The following CARMIL2 variants were observed in gnomAD, a reference collection of about 807,000 sequenced individuals.
CARMIL2 encodes capping protein regulator and myosin 1 linker 2, also known as capping protein, Arp2/3 and myosin-I linker protein 2.
In CARMIL2, 96 loss-of-function variants were observed where a neutral mutation model predicts 173.3. The ratio of observed to expected loss-of-function variants is 0.55; its 90% CI spans 0.47 to 0.66. CARMIL2 has a LOEUF of 0.66. Ranked by LOEUF, CARMIL2 falls within the 30% of genes least tolerant of loss-of-function variation. The pLI is 0.00. For synonymous variants in CARMIL2, 830 were observed against 817.1 expected, an observed-to-expected ratio of 1.02 and a Z score of -0.27; for missense variants, 1,771 against 1,906.7, an observed-to-expected ratio of 0.93 and a Z score of 1.33.
chr16:67,648,665 C>G lies in CARMIL2; in HGVS notation c.1440-20C>G, dbSNP rs756055751. On this transcript the variant is annotated intron_variant, in intron 15 of 37. Coordinates refer to ENST00000334583, the MANE Select transcript of CARMIL2 (RefSeq NM_001013838.3). The surrounding 1 kb of genome is among the most constrained non-coding windows in gnomAD (Gnocchi z 6.1). ...CCCCCTGTCCCAGCTCCCGCCACCCCGTGTAACGTCCTCTCCCAGAGCCCT... is the reference window on the plus strand; with the variant it reads ...CCCCCTGTCCCAGCTCCCGCCACCCGGTGTAACGTCCTCTCCCAGAGCCCT... 1.9e-6 allele frequency: 3 copies of G among 1,595,890 alleles called. No individual in the cohort carries two copies. The East Asian group carries it at 6.9e-5, about 36-fold the overall frequency.
intron 33 of CARMIL2, 61 bp from the exon 34 acceptor site, chr16:67,656,167 C>T (rs2052849903): frequency 1.2e-6 from 2 of 1,609,792 alleles, no homozygotes; most frequent in Non-Finnish European, 1.7e-6. Context: ...GGGGAGAGGC[C>T]AGGTTTTTCT....
chr16:67,656,888 G>A lies in CARMIL2; in HGVS notation c.4117+7G>A, dbSNP rs2052872348. On this transcript the variant is annotated splice_region_variant and intron_variant, in intron 36 of 37. Coordinates refer to ENST00000334583, the MANE Select transcript of CARMIL2 (RefSeq NM_001013838.3). ...CAGCTCCAGGCCCCTGCTGGTGAGG[G>A]GAGACACCTCCACGTGTGCTTGAAT... 8.4e-6 allele frequency: 13 copies of A among 1,541,124 alleles called. No homozygotes were observed. The highest frequency in any genetic ancestry group is 1.1e-5 in the Non-Finnish European group (13 of 1,140,124).
chr16:67,648,311 G>C lies in CARMIL2; in HGVS notation c.1331G>C (p.Arg444Pro). The C allele has an allele frequency of 6.3e-7, 1 of 1,587,186 alleles. No homozygotes were observed. Among genetic ancestry groups the C allele is most frequent in the Non-Finnish European group, 8.5e-7 (1 of 1,174,484 alleles). Residue 444 changes from arginine to proline, a missense_variant, in exon 14 of 38, where the codon CGC becomes CCC. Transcript: ENST00000334583. This position sits in a 1 kb window ranked among gnomAD's most constrained non-coding sequence, Gnocchi z 6.1. ...HLDASRNVFS[R>P]TKSRAAPAAL... ...GACGCTTCGAGGAACGTCTTCTCCC[G>C]CACGTAAGGGGGACCTGTCGGGGCC...
chr16:67,646,160 G>A lies in CARMIL2; in HGVS notation c.250-26G>A, dbSNP rs369505065. On this transcript the variant is annotated intron_variant, in intron 4 of 37. Coordinates refer to ENST00000334583, the MANE Select transcript of CARMIL2 (RefSeq NM_001013838.3). The surrounding 1 kb of genome is among the most constrained non-coding windows in gnomAD (Gnocchi z 4.6). ...ATCACCTGCGCCCATGTGTGGAGCC[G>A]AGGCCTAGTAGTGCCCCTTCCCTAG... 54 of 1,613,612 alleles carry A rather than the reference G, an allele frequency of 3.3e-5. 1 individual carries two copies. The highest frequency in any genetic ancestry group is 3.3e-4 in the Middle Eastern group (2 of 6,084).
rs2052840057 is a variant in CARMIL2, at chr16:67,655,954, A to G, written c.3706-77A>G. The G allele has an allele frequency of 7.9e-6, 12 of 1,524,010 alleles. 1 individual carries two copies. Among genetic ancestry groups the G allele is most frequent in the South Asian group, 7.4e-5 (6 of 81,454 alleles). The allele number at this position is 1,524,010 out of a possible 1,614,324, so 94.4% of individuals were successfully genotyped here. A position where few individuals can be genotyped will look rare whatever the true frequency, so the allele number is the denominator to read the frequency against. On this transcript the variant is annotated intron_variant, in intron 32 of 37. Transcript: ENST00000334583. ...ATGGTGGGCATTCAGTGGCAGGATT[A>G]TAAGAACAAGAACGAACAAAAGGCT... is the stretch of plus-strand genomic sequence containing the variant.
intron 12 of CARMIL2, 37 bp downstream of exon 12, chr16:67,647,803 T>TGGGGGTGGGGGGGGG: frequency 3.9e-6 from 1 of 258,440 alleles, no homozygotes; most frequent in Admixed American, 6.7e-5. Context: ...GGGAGGGGGG[T>TGGGGGTGGGGGGGGG]GGGGGTCTGT....
rs1238344242 is a variant in CARMIL2, at chr16:67,648,179, G to A, written c.1199G>A (p.Arg400Lys). 7 of 1,609,344 alleles carry A rather than the reference G, an allele frequency of 4.3e-6. No individual in the cohort carries two copies. Among genetic ancestry groups the A allele is most frequent in the Non-Finnish European group, 5.1e-6 (6 of 1,178,220 alleles). ...TGGATGACCGGCAGGGCGGACTGGA[G>A]GGCGGGACGGGGAGGGCTCGGTCCC... is the stretch of plus-strand genomic sequence containing the variant. ...GGWMTGRADW[R>K]AGRGGLGPPA... Residue 400 changes from arginine (R) to lysine (K), a missense_variant, in exon 14 of 38, where the codon AGG becomes AAG. Physicochemically the swap from Arg to Lys is conservative, Grantham distance 26. Coordinates refer to ENST00000334583, the MANE Select transcript of CARMIL2 (RefSeq NM_001013838.3). The surrounding 1 kb of genome is among the most constrained non-coding windows in gnomAD (Gnocchi z 6.1).
Position 67,647,563 on chromosome 16 carries a change from C to G in CARMIL2, c.832C>G (p.Arg278Gly), listed in dbSNP as rs747119629. The part of the protein sequence containing the change: ...ALAGHSSSGL[R>G]ELSLAGNLLD... ...GGCGGGACACTCAAGCTCTGGGCTG[C>G]GGGAGCTCAGCCTCGCGGGGAACCT... The change falls in exon 11 of 38, where the codon CGG becomes GGG. Residue 278 changes from arginine (R) to glycine (G), a missense_variant. By Grantham distance (125) the Arg-to-Gly change is moderately radical. Coordinates refer to ENST00000334583, the MANE Select transcript of CARMIL2 (RefSeq NM_001013838.3). 6.2e-7 allele frequency: 1 copy of G among 1,610,910 alleles called. No homozygotes were observed. The highest frequency in any genetic ancestry group is 1.3e-5 in the African/African-American group (1 of 74,824).
In CARMIL2 at chr16:67,651,791, G is replaced by A. The variant is rs80346348; in HGVS notation, c.2534G>A (p.Gly845Asp). 1,243 of 1,609,646 alleles carry A rather than the reference G, an allele frequency of 7.7e-4. 17 individuals are homozygous for A. In the East Asian group the frequency reaches 0.026, roughly 33 times the overall value. The change falls in exon 25 of 38, where the codon GGC (glycine) becomes GAC (aspartate). Residue 845 changes from glycine to aspartate, a missense_variant. Transcript: ENST00000334583. This position sits in a 1 kb window ranked among gnomAD's most constrained non-coding sequence, Gnocchi z 4.2. ...GAGGGGGTCCTGGCAGGCTCGAGGG[G>A]CCTCCCGGAGCTGCTCCCAGAGCAG... The part of the protein sequence containing the change: ...QLEGVLAGSR[G>D]LPELLPEQLL...
In CARMIL2 at chr16:67,648,816, G is replaced by C. The variant is rs1032545520; in HGVS notation, c.1509+62G>C. On this transcript the variant is annotated intron_variant, in intron 16 of 37. Coordinates refer to ENST00000334583, the MANE Select transcript of CARMIL2 (RefSeq NM_001013838.3). The surrounding 1 kb of genome is among the most constrained non-coding windows in gnomAD (Gnocchi z 6.1). Reference sequence around the variant, plus strand: ...AGAGGCGCTGGGAGGCGGAAGGGCAGGGCCGTGGGCCGCCTGCCCCTCCCC... The same window carrying C: ...AGAGGCGCTGGGAGGCGGAAGGGCACGGCCGTGGGCCGCCTGCCCCTCCCC... The C allele has an allele frequency of 8.9e-6, 14 of 1,564,662 alleles. No individual in the cohort carries two copies. Among genetic ancestry groups the C allele is most frequent in the Non-Finnish European group, 1.2e-5 (14 of 1,154,738 alleles).
chr16:67,655,043 G>A (rs771880789), intron 32 of CARMIL2, 143 bp downstream of exon 32: 184 of 1,200,624 alleles, frequency 1.5e-4, no homozygotes, highest in Middle Eastern at 5.8e-4. Context: ...TTACAGATTC[G>A]ACCTTTCTTC....
rs751403777 is a variant in CARMIL2, at chr16:67,649,070, C to T, written c.1592-6C>T. The T allele has an allele frequency of 8.7e-6, 14 of 1,611,562 alleles. No homozygotes were observed. In the African/African-American group the frequency reaches 9.3e-5, roughly 11 times the overall value. ...TCGCCTCGTGCGTGACCCGAGTCAC[C>T]CCCAGGCTTCGGCTCAGACATGGTG... On this transcript the variant is annotated splice_region_variant and splice_polypyrimidine_tract_variant and intron_variant, in intron 17 of 37. Coordinates refer to ENST00000334583, the MANE Select transcript of CARMIL2 (RefSeq NM_001013838.3). This position sits in a 1 kb window ranked among gnomAD's most constrained non-coding sequence, Gnocchi z 6.7.
At position 67,653,638 on chromosome 16, in the gene CARMIL2, G is replaced by C. The variant is rs989714602; in HGVS notation, c.3120+384G>C. 2.0e-5 allele frequency among the ~76,000 whole-genome samples: 3 copies of C among 152,158 alleles called. No individual in the cohort carries two copies. The highest frequency in any genetic ancestry group is 4.1e-4 in the South Asian group (2 of 4,834). On this transcript the variant is annotated intron_variant, in intron 29 of 37. Transcript: ENST00000334583. This position sits in a 1 kb window ranked among gnomAD's most constrained non-coding sequence, Gnocchi z 7.4. ...TCTGCTGCGCGTCCGGCGGCGGCGC[G>C]TGTGGGGAGATGCGTGTGTGGGCTG...
intron 34 of CARMIL2, 45 bp downstream of exon 34, chr16:67,656,344 G>A (rs915790082): frequency 6.2e-7 from 1 of 1,612,292 alleles, no homozygotes; most frequent in African/African-American, 1.3e-5. Context: ...AGCAGGGACA[G>A]GCAGGAGTTG....
In CARMIL2 at chr16:67,646,343, G is replaced by C. The variant is rs370747894; in HGVS notation, c.374+33G>C. ...CTGGCAAATTCGAGGGGCTGGCAGGGGAGGAGGGAGTGCATGAGAAGGGCT... is the reference window on the plus strand; with the variant it reads ...CTGGCAAATTCGAGGGGCTGGCAGGCGAGGAGGGAGTGCATGAGAAGGGCT... On this transcript the variant is annotated intron_variant, in intron 5 of 37. Coordinates refer to ENST00000334583, the MANE Select transcript of CARMIL2 (RefSeq NM_001013838.3). The surrounding 1 kb of genome is among the most constrained non-coding windows in gnomAD (Gnocchi z 4.6). 1 of 1,609,866 alleles carries C rather than the reference G, an allele frequency of 6.2e-7. No homozygotes were observed. Among genetic ancestry groups the C allele is most frequent in the Non-Finnish European group, 8.5e-7 (1 of 1,177,148 alleles).
At chr16:67,645,426 C>T (rs937225831) in intron 1 of CARMIL2, 114 bp from the exon 2 acceptor site, 16 of 1,354,882 alleles carry the variant, frequency 1.2e-5, no homozygotes, top group Non-Finnish European at 1.6e-5. Context: ...GATCCTCTCC[C>T]CTCCTTCCTC....
intron 11 of CARMIL2, 32 bp from the exon 12 acceptor site, chr16:67,647,648 T>G (rs1323214838): frequency 1.9e-6 from 3 of 1,599,760 alleles, no homozygotes; most frequent in African/African-American, 2.7e-5. Flanking sequence ...CAGGAGGAGG[T>G]GAGACCCACG....
chr16:67,648,708 T>C lies in CARMIL2; in HGVS notation c.1463T>C (p.Leu488Pro). The change falls in exon 16 of 38, where the codon CTC (leucine) becomes CCC (proline). Residue 488 changes from leucine to proline, a missense_variant. Physicochemically the swap from Leu to Pro is moderately conservative, Grantham distance 98. This residue lies in a region of CARMIL2 where 944 missense variants were observed against 975.6 expected (regional missense o/e 0.97). Transcript: ENST00000334583. This position sits in a 1 kb window ranked among gnomAD's most constrained non-coding sequence, Gnocchi z 6.1. ...ALRALLDGLA[L>P]NTHLRDLHLD... The stretch of plus-strand genomic sequence containing the variant: ...AGAGCCCTTTTGGATGGCCTCGCGC[T>C]CAACACGCACCTCCGCGACCTGCAC... 1 of 1,607,414 alleles carries C rather than the reference T, an allele frequency of 6.2e-7. No homozygotes were observed. Among genetic ancestry groups the C allele is most frequent in the Non-Finnish European group, 8.5e-7 (1 of 1,177,344 alleles).
rs2052734422 is a variant in CARMIL2 at position 67,652,019 on chromosome 16, G to A, written c.2676+11G>A. The A allele has an allele frequency of 6.2e-7, 1 of 1,612,976 alleles. No individual in the cohort carries two copies. The highest frequency in any genetic ancestry group is 1.7e-5 in the Admixed American group (1 of 60,008). ...GCCCGGGATCAGCTGGTGAGGGGGAGATGTGCACACACTTTCGTGCAAACA... is the reference window on the plus strand; with the variant it reads ...GCCCGGGATCAGCTGGTGAGGGGGAAATGTGCACACACTTTCGTGCAAACA... On this transcript the variant is annotated intron_variant, in intron 26 of 37. Coordinates refer to ENST00000334583, the MANE Select transcript of CARMIL2 (RefSeq NM_001013838.3). The surrounding 1 kb of genome is among the most constrained non-coding windows in gnomAD (Gnocchi z 4.7).
Sources: gnomAD v4.1 joint callset for allele counts (sites outside exome capture counted in the v4.1 genomes callset) on GRCh38, gnomAD v4.1.1 for gene constraint, gnomAD v4.1.1 regional missense constraint, Gnocchi (gnomAD v3.1) non-coding constraint, MANE v1.5 for transcripts, NCBI Gene and HGNC (gene_info 2026-07-23, HGNC 2026-07-21) for gene names.